STPG1: variants seen among roughly 807,000 people sequenced by gnomAD.
STPG1 encodes the protein O(6)-methylguanine-induced apoptosis 2.
Under a neutral mutation model 40.1 loss-of-function variants are expected in STPG1, and 33 were observed. The observed-to-expected ratio is 0.82, with a 90% confidence interval of 0.62 to 1.10. The LOEUF (loss-of-function observed/expected upper bound fraction) is 1.10. STPG1 is among the 50% of genes least tolerant of loss of function. The pLI is 0.00. For synonymous variants in STPG1, 150 were observed against 155.0 expected, an observed-to-expected ratio of 0.97 and a Z score of 0.24; for missense variants, 396 against 415.1, an observed-to-expected ratio of 0.95 and a Z score of 0.40.
chr1:24,379,967 C>CA, intron 4 of STPG1, 144 bp from the exon 5 acceptor site: 2 of 809,738 alleles, frequency 2.5e-6, no homozygotes, highest in South Asian at 3.7e-5. Flanking sequence ...GATAAACTGA[C>CA]CTCAGGCTTT....
intron 5 of STPG1, among the ~76,000 whole-genome samples, chr1:24,378,493 G>A (rs1642132018): frequency 6.6e-6 from 1 of 152,112 alleles, no homozygotes; most frequent in Non-Finnish European, 1.5e-5. Flanking sequence ...AAATTAGCCG[G>A]GTGTGGTGGC....
Position 24,364,387 on chromosome 1 carries a change from G to A in STPG1, c.738-3346C>T, listed in dbSNP as rs889257858. 4.6e-6 allele frequency: 7 copies of A among 1,527,856 alleles called. No individual in the cohort carries two copies. The East Asian group carries it at 1.2e-4, about 27-fold the overall frequency. The allele number at this position is 1,527,856 out of a possible 1,614,324, so 94.6% of individuals were successfully genotyped here. A position where few individuals can be genotyped will look rare whatever the true frequency, so the allele number is the denominator to read the frequency against. On this transcript the variant is annotated intron_variant, in intron 7 of 8. Coordinates refer to ENST00000337248, the MANE Select transcript of STPG1 (RefSeq NM_001199013.2). ...CTCGGAATGACACACCCACCTGGAG[G>A]AGAGGTGGAAGGACGACGGCAGGTC...
At chr1:24,413,128 C>A (rs955611896) in intron 1 of STPG1, among the ~76,000 whole-genome samples, 1 of 152,206 alleles carries the variant, frequency 6.6e-6, no homozygotes, top group African/African-American at 2.4e-5. Context: ...AGGTAAATAA[C>A]CCATTCGATA....
chr1:24,389,253 C>T (rs1642647518), intron 3 of STPG1, among the ~76,000 whole-genome samples: 1 of 152,124 alleles, frequency 6.6e-6, no homozygotes, highest in African/African-American at 2.4e-5. Flanking sequence ...TTTGAGTGTT[C>T]AGAACTAGAT....
In STPG1 at chr1:24,361,059, C is replaced by T. The variant is rs375583064; in HGVS notation, c.738-18G>A. 7.0e-4 allele frequency: 1,110 copies of T among 1,593,420 alleles called. 3 individuals carry two copies. Among genetic ancestry groups the T allele is most frequent in the Middle Eastern group, 4.0e-3 (24 of 5,956 alleles). ...GGTTTTTCCTTTGGGAAAGATAAAA[C>T]GGGAAGATGTCACTAAGGCAGTCTA... On this transcript the variant is annotated intron_variant, in intron 7 of 8. Transcript: ENST00000337248.
Position 24,391,916 on chromosome 1 carries a change from T to A in STPG1, c.71-237A>T. On this transcript the variant is annotated intron_variant, in intron 2 of 8. Coordinates refer to ENST00000337248, the MANE Select transcript of STPG1 (RefSeq NM_001199013.2). ...CTTAAATTAGTGAGATGTGGTCACA[T>A]AAAGTACCTTAAACAGGCTGTCCCG... The A allele has an allele frequency of 8.9e-6, 11 of 1,241,544 alleles. No homozygotes were observed. In the South Asian group the frequency reaches 2.1e-4, roughly 24 times the overall value. The allele number at this position is 1,241,544 out of a possible 1,614,324, so 76.9% of individuals were successfully genotyped here. A position where few individuals can be genotyped will look rare whatever the true frequency, so the allele number is the denominator to read the frequency against.
chr1:24,408,659 CA>C (rs1643500779), intron 1 of STPG1, among the ~76,000 whole-genome samples: 1 of 152,178 alleles, frequency 6.6e-6, no homozygotes, highest in Non-Finnish European at 1.5e-5. Context: ...GCCTGTTGTC[CA>C]ATGTGAGTTG....
Position 24,395,633 on chromosome 1 carries a change from C to T in STPG1, c.71-3954G>A, listed in dbSNP as rs544862791. On this transcript the variant is annotated intron_variant, in intron 2 of 8. Coordinates refer to ENST00000337248, the MANE Select transcript of STPG1 (RefSeq NM_001199013.2). ...ATTTTTAGTAGAGACGGGGTTTCAC[C>T]GTGTTAGCCAGGATGGTCTCGATCT... 3.0e-4 allele frequency among the ~76,000 whole-genome samples: 45 copies of T among 152,072 alleles called. No individual in the cohort carries two copies. The East Asian group carries it at 7.7e-3, about 26-fold the overall frequency.
At chr1:24,366,654 C>T (rs1343682457) in intron 7 of STPG1, among the ~76,000 whole-genome samples, 3 of 152,192 alleles carry the variant, frequency 2.0e-5, no homozygotes, top group Non-Finnish European at 4.4e-5. Flanking sequence ...GCTGGCTCCA[C>T]GTTCGTTGTC....
intron 2 of STPG1, 140 bp downstream of exon 2, chr1:24,401,179 C>G: frequency 1.6e-6 from 1 of 636,832 alleles, no homozygotes; most frequent in Non-Finnish European, 2.8e-6. Context: ...ACAGTAGGGC[C>G]TAAAGCCACC....
chr1:24,362,061 A>C (rs1299991305), intron 7 of STPG1, among the ~76,000 whole-genome samples: 1 of 152,154 alleles, frequency 6.6e-6, no homozygotes, highest in African/African-American at 2.4e-5. Flanking sequence ...AGGGGAGAGG[A>C]GGTTCTCCGC....
chr1:24,404,846 AGCATGTGGT>A (rs1222927310), intron 1 of STPG1, among the ~76,000 whole-genome samples: 39 of 152,196 alleles, frequency 2.6e-4, no homozygotes, highest in Admixed American at 2.6e-3. Flanking sequence ...AGAAGAAAAC[AGCATGTGGT>A]TTTATTGATA....
At chr1:24,371,590 C>CAAAAAAAA (rs11348704) in intron 6 of STPG1, among the ~76,000 whole-genome samples, 1 of 108,180 alleles carries the variant, frequency 9.2e-6, no homozygotes. Context: ...GACTCCCTCT[C>CAAAAAAAA]AAAAAAAAAA....
At chr1:24,392,028 C>T (rs1412545758) in intron 2 of STPG1, 16 of 1,048,194 alleles carry the variant, frequency 1.5e-5, no homozygotes, top group Non-Finnish European at 1.7e-5. Context: ...CTGGACGAGG[C>T]GCGGTCAGGA....
chr1:24,397,361 A>G (rs1354952846), intron 2 of STPG1, among the ~76,000 whole-genome samples: 1 of 152,168 alleles, frequency 6.6e-6, no homozygotes, highest in Non-Finnish European at 1.5e-5. Context: ...CACTCCACCT[A>G]TCAATTCCAT....
intron 5 of STPG1, 102 bp from the exon 6 acceptor site, chr1:24,373,912 C>T (rs1289632821): frequency 2.0e-5 from 16 of 812,120 alleles, no homozygotes; most frequent in Admixed American, 1.3e-4. Context: ...AAAATCAAAC[C>T]GAAACCTGTC....
intron 4 of STPG1, among the ~76,000 whole-genome samples, chr1:24,382,541 A>G (rs1642332662): frequency 6.6e-6 from 1 of 152,186 alleles, no homozygotes; most frequent in Non-Finnish European, 1.5e-5. Flanking sequence ...CTTGTCTTCT[A>G]CACCAGGACT....
chr1:24,400,544 AAG>A (rs1303437043), intron 2 of STPG1, among the ~76,000 whole-genome samples: 2 of 152,208 alleles, frequency 1.3e-5, no homozygotes, highest in East Asian at 1.9e-4. Context: ...GTTAAAGAAA[AAG>A]AGAGTGCAAA....
At position 24,358,158 on chromosome 1, in the gene STPG1, A is replaced by C; in HGVS notation, c.*385T>G. On this transcript the variant is annotated 3_prime_UTR_variant, in exon 9 of 9. Transcript: ENST00000337248. ...TGAAACAGGGAAGGGTGGGGCTTCC[A>C]GGCTTGGCCACCTTCAGGGTGGACT... 1 of 482,196 alleles carries C rather than the reference A, an allele frequency of 2.1e-6. No individual in the cohort carries two copies. The highest frequency in any genetic ancestry group is 4.1e-6 in the Non-Finnish European group (1 of 243,754). The allele number at this position is 482,196 out of a possible 1,614,324, so 29.9% of individuals were successfully genotyped here. A position where few individuals can be genotyped will look rare whatever the true frequency, so the allele number is the denominator to read the frequency against.
Sources: allele counts gnomAD v4.1 joint callset (sites outside exome capture counted in the v4.1 genomes callset), GRCh38; gene constraint gnomAD v4.1.1; transcripts MANE v1.5; gene names NCBI Gene and HGNC (gene_info 2026-07-23, HGNC 2026-07-21).